Variants in EXT1 observed in about 807,000 individuals in gnomAD.
The protein encoded by EXT1 is exostosin glycosyltransferase 1, also known as exostosin-1.
Under a neutral mutation model 82.5 loss-of-function variants are expected in EXT1, and 20 were observed. The ratio of observed to expected loss-of-function variants is 0.24; its 90% CI spans 0.17 to 0.35. EXT1 has a LOEUF of 0.35. Ranked by LOEUF, EXT1 falls within the 10% of genes least tolerant of loss-of-function variation. The pLI, the probability that EXT1 is intolerant of heterozygous loss-of-function variation, is 1.00. For synonymous variants in EXT1, 348 were observed against 350.8 expected, an observed-to-expected ratio of 0.99 and a Z score of 0.09; for missense variants, 757 against 936.5, an observed-to-expected ratio of 0.81 and a Z score of 2.50.
chr8:118,065,188 T>C (rs1824176), intron 1 of EXT1, among the ~76,000 whole-genome samples: 50,620 of 151,968 alleles, frequency 0.33, 10,266 homozygotes, highest in African/African-American at 0.55. Flanking sequence ...TTCTAACTGG[T>C]ATGAGATGGT....
chr8:117,841,410 A>T lies in EXT1; in HGVS notation c.963-4209T>A, dbSNP rs17503537. Among the ~76,000 whole-genome samples the T allele has an allele frequency of 8.6e-3, 1,306 of 152,250 alleles. 18 individuals carry two copies. The highest frequency in any genetic ancestry group is 0.03 in the African/African-American group (1,244 of 41,546). On this transcript the variant is annotated intron_variant, in intron 1 of 10. Coordinates refer to ENST00000378204, the MANE Select transcript of EXT1 (RefSeq NM_000127.3). Reference sequence around the variant, plus strand: ...GTTGCCATTGGTTGGGGGGAGGAGGAAAGACAGGGAGACTTGAGAGGTCAA... The same window carrying T: ...GTTGCCATTGGTTGGGGGGAGGAGGTAAGACAGGGAGACTTGAGAGGTCAA...
chr8:117,934,027 G>A lies in EXT1; in HGVS notation c.963-96826C>T, dbSNP rs576033183. ...ACCTCTATCTCCTGCCTCAAATTCT[G>A]GACACAGGATATCTCTCCCAACCAC... On this transcript the variant is annotated intron_variant, in intron 1 of 10. Transcript: ENST00000378204. Among the ~76,000 whole-genome samples, 5 of 152,022 alleles carry A rather than the reference G, an allele frequency of 3.3e-5. No homozygotes were observed. The Middle Eastern group carries it at 0.017, about 517-fold the overall frequency.
At chr8:117,928,135 G>A (rs561654813) in intron 1 of EXT1, among the ~76,000 whole-genome samples, 41 of 152,306 alleles carry the variant, frequency 2.7e-4, no homozygotes, top group African/African-American at 9.6e-4. Flanking sequence ...GGAGTTGATA[G>A]AGAACATCTA....
intron 1 of EXT1, among the ~76,000 whole-genome samples, chr8:117,917,099 T>C (rs1342202000): frequency 6.6e-6 from 1 of 152,098 alleles, no homozygotes; most frequent in Admixed American, 6.5e-5. Flanking sequence ...TTAAAGGAGA[T>C]GAGAAAAAGG....
chr8:117,825,717 T>C (rs1811998873), intron 4 of EXT1, among the ~76,000 whole-genome samples: 1 of 152,220 alleles, frequency 6.6e-6, no homozygotes, highest in Admixed American at 6.5e-5. Context: ...TGCCACCATA[T>C]GCCACCTCAC....
intron 1 of EXT1, among the ~76,000 whole-genome samples, chr8:118,101,835 G>A (rs1817723254): frequency 6.6e-6 from 1 of 152,176 alleles, no homozygotes; most frequent in Non-Finnish European, 1.5e-5. Flanking sequence ...TGGGATTGGA[G>A]TGGGGAGTTA....
intron 7 of EXT1, among the ~76,000 whole-genome samples, chr8:117,815,934 C>CAA (rs58788900): frequency 0.17 from 19,917 of 116,268 alleles, 1,665 homozygotes; most frequent in Admixed American, 0.21. Context: ...AACTCTGCCT[C>CAA]AAAAAAAAAA....
In EXT1 at chr8:118,065,882, A is replaced by T. The variant is rs564115335; in HGVS notation, c.962+44203T>A. 2.0e-5 allele frequency among the ~76,000 whole-genome samples: 3 copies of T among 152,220 alleles called. No individual in the cohort carries two copies. The East Asian group carries it at 5.8e-4, about 29-fold the overall frequency. On this transcript the variant is annotated intron_variant, in intron 1 of 10. Transcript: ENST00000378204. ...GGCTGGAGTCCTCACTCTGCCGCTA[A>T]GTATCTGCCTGACCTTGGACATGGG...
intron 4 of EXT1, among the ~76,000 whole-genome samples, chr8:117,827,378 T>C (rs965778941): frequency 7.9e-5 from 12 of 152,062 alleles, no homozygotes; most frequent in African/African-American, 2.4e-4. Flanking sequence ...AAGTTCACAA[T>C]AGGATGCATA....
chr8:118,007,555 C>T (rs985618901), intron 1 of EXT1, among the ~76,000 whole-genome samples: 10 of 152,316 alleles, frequency 6.6e-5, no homozygotes, highest in Middle Eastern at 3.4e-3. Flanking sequence ...AAAACCACCA[C>T]GGCACACATT....
intron 1 of EXT1, among the ~76,000 whole-genome samples, chr8:117,886,259 C>T (rs757781977): frequency 1.8e-4 from 28 of 152,138 alleles, no homozygotes; most frequent in Non-Finnish European, 3.1e-4. Flanking sequence ...GGAATTAAAT[C>T]CTCTTTGATG....
intron 8 of EXT1, among the ~76,000 whole-genome samples, chr8:117,809,210 TGTG>T (rs1823280049): frequency 1.1e-5 from 1 of 88,718 alleles, no homozygotes; most frequent in Non-Finnish European, 2.3e-5. Context: ...TATGTGTGTG[TGTG>T]TATAAATATA....
chr8:117,963,426 T>G (rs114314518), intron 1 of EXT1, among the ~76,000 whole-genome samples: 2,656 of 152,274 alleles, frequency 0.017, 84 homozygotes, highest in African/African-American at 0.059. Context: ...AGTCTCTTCT[T>G]TGGCCTTTTG....
chr8:117,858,873 G>A (rs530626612), intron 1 of EXT1, among the ~76,000 whole-genome samples: 1 of 80,684 alleles, frequency 1.2e-5, no homozygotes, highest in South Asian at 3.6e-4. Context: ...AAGAAAGAAA[G>A]AAAGAAAGAA....
At chr8:117,856,553 A>G (rs758534794) in intron 1 of EXT1, among the ~76,000 whole-genome samples, 1 of 149,728 alleles carries the variant, frequency 6.7e-6, no homozygotes, top group Non-Finnish European at 1.5e-5. Context: ...GGCGTGAGCC[A>G]CCGCGCCTGG....
intron 7 of EXT1, among the ~76,000 whole-genome samples, chr8:117,814,112 GA>G (rs1199519570): frequency 6.6e-6 from 1 of 151,824 alleles, no homozygotes; most frequent in Non-Finnish European, 1.5e-5. Flanking sequence ...AGAAGAAGAA[GA>G]AAAAATATTA....
chr8:117,859,562 G>C (rs563398450), intron 1 of EXT1, among the ~76,000 whole-genome samples: 2 of 152,220 alleles, frequency 1.3e-5, no homozygotes, highest in South Asian at 2.1e-4. Flanking sequence ...TACATTCATG[G>C]TGTATACACA....
At chr8:118,078,886 C>G (rs536392738) in intron 1 of EXT1, among the ~76,000 whole-genome samples, 2 of 152,236 alleles carry the variant, frequency 1.3e-5, no homozygotes, top group Admixed American at 6.5e-5. Flanking sequence ...AACAGTCACA[C>G]TGAATTCCAT....
intron 1 of EXT1, among the ~76,000 whole-genome samples, chr8:117,930,388 A>G (rs114526556): frequency 6.7e-6 from 1 of 148,544 alleles, no homozygotes; most frequent in South Asian, 2.1e-4. Context: ...CTTTATTCAT[A>G]TATCAAAAAA....
Sources: allele counts gnomAD v4.1 joint callset (sites outside exome capture counted in the v4.1 genomes callset), GRCh38; gene constraint gnomAD v4.1.1; transcripts MANE v1.5; gene names NCBI Gene and HGNC (gene_info 2026-07-23, HGNC 2026-07-21).